The following WDR46 variants were observed in gnomAD, a reference collection of about 807,000 sequenced individuals.
The protein encoded by WDR46 is WD repeat domain 46.
Under a neutral mutation model 74.7 loss-of-function variants are expected in WDR46, and 58 were observed. That is an observed-to-expected ratio of 0.78 (90% CI 0.63 to 0.97). The LOEUF (loss-of-function observed/expected upper bound fraction) is 0.97, where lower values mean the gene tolerates loss of function less well. Among genes scored for constraint, WDR46 ranks in the 50% least tolerant of loss-of-function variants. The probability of loss-of-function intolerance (pLI) is 0.00; values close to 1 mark genes in which losing one functional copy is unlikely to be tolerated. For synonymous variants in WDR46, 278 were observed against 297.3 expected, an observed-to-expected ratio of 0.93 and a Z score of 0.67; for missense variants, 702 against 790.1, an observed-to-expected ratio of 0.89 and a Z score of 1.34.
Position 33,279,149 on chromosome 6 carries a change from G to T in WDR46, c.*127C>A. 4 of 1,355,660 alleles carry T rather than the reference G, an allele frequency of 3.0e-6. No homozygotes were observed. The highest frequency in any genetic ancestry group is 4.1e-6 in the Non-Finnish European group (4 of 983,664). 84.0% of individuals were successfully genotyped at this position (1,355,660 alleles called of 1,614,324 possible). On this transcript the variant is annotated 3_prime_UTR_variant, in exon 15 of 15. Coordinates refer to ENST00000374617, the MANE Select transcript of WDR46 (RefSeq NM_005452.6). ...CCTCTTTAATACCAACCCACCCCAG[G>T]AGACAGCTGTCCACCCCCAGTTGGG...
In WDR46 at chr6:33,280,710, C is replaced by T. The variant is rs1465126182; in HGVS notation, c.1393G>A (p.Gly465Arg). ...ATGCTGGTGATGCCCCCAGTGTGCC[C>T]CACCCCCAGCACATCTTCAAAGGGG... ...FCPFEDVLGV[G>R]HTGGITSMLV... The change falls in exon 11 of 15, where the codon GGG (glycine) becomes AGG (arginine). Residue 465 changes from glycine to arginine, a missense_variant. Gly to Arg is a moderately radical substitution (Grantham distance 125). Coordinates refer to ENST00000374617, the MANE Select transcript of WDR46 (RefSeq NM_005452.6). 2 of 1,592,516 alleles carry T rather than the reference C, an allele frequency of 1.3e-6. No individual in the cohort carries two copies. Among genetic ancestry groups the T allele is most frequent in the East Asian group, 2.2e-5 (1 of 44,586 alleles).
chr6:33,287,014 T>C, intron 9 of WDR46, 77 bp downstream of exon 9: 3 of 1,589,250 alleles, frequency 1.9e-6, no homozygotes, highest in Non-Finnish European at 2.6e-6. Flanking sequence ...AGGGTAACTT[T>C]AAGGGACTCA....
chr6:33,287,354 C>G lies in WDR46; in HGVS notation c.879+1G>C. On this transcript the variant is annotated splice_donor_variant, in intron 8 of 14. Coordinates refer to ENST00000374617, the MANE Select transcript of WDR46 (RefSeq NM_005452.6). LOFTEE classifies it high-confidence loss of function. ...AGTTCCTGAGCTCCATGGCCACTCACAGCTGTAGCCAGGAGGAAGTGGAAG... is the reference window on the plus strand; with the variant it reads ...AGTTCCTGAGCTCCATGGCCACTCAGAGCTGTAGCCAGGAGGAAGTGGAAG... 1 of 1,612,922 alleles carries G rather than the reference C, an allele frequency of 6.2e-7. No individual in the cohort carries two copies. Among genetic ancestry groups the G allele is most frequent in the Non-Finnish European group, 8.5e-7 (1 of 1,179,864 alleles).
chr6:33,287,821 C>T (rs1766811062), intron 6 of WDR46, 103 bp from the exon 7 acceptor site: 4 of 1,521,914 alleles, frequency 2.6e-6, no homozygotes, highest in Admixed American at 3.4e-5. Flanking sequence ...GGCGGGCAGA[C>T]ACATGTTGCT....
At position 33,279,902 on chromosome 6, in the gene WDR46, G is replaced by A. The variant is rs764420843; in HGVS notation, c.1525-43C>T. 1.6e-5 allele frequency: 25 copies of A among 1,600,888 alleles called. 1 individual carries two copies. In the South Asian group the frequency reaches 2.3e-4, roughly 15 times the overall value. On this transcript the variant is annotated intron_variant, in intron 12 of 14. Transcript: ENST00000374617. The stretch of plus-strand genomic sequence containing the variant: ...GGACAGGACTCAGCAAGGAGCCACA[G>A]GAGGGTAGCACCAAAAAGAGAAGCC...
At position 33,287,471 on chromosome 6, in the gene WDR46, G is replaced by A. The variant is rs745979493; in HGVS notation, c.763C>T (p.Gln255Ter). 3.7e-6 allele frequency: 6 copies of A among 1,612,880 alleles called. No individual in the cohort carries two copies. In the Admixed American group the frequency reaches 5.0e-5, roughly 13 times the overall value. The change falls in exon 8 of 15, where the codon CAG (glutamine) becomes TAG (stop). Residue 255 changes from glutamine to a stop codon, truncating the protein, a stop_gained. Transcript: ENST00000374617. LOFTEE classifies it high-confidence loss of function. ...LHSEALLAVA[Q>*]NRWLHIYDNQ... ...TCATAGATGTGGAGCCAGCGGTTCT[G>A]AGCAACAGCAAGCAGTGCCTCAGAA...
intron 12 of WDR46, 62 bp downstream of exon 12, chr6:33,280,366 G>A: frequency 6.5e-7 from 1 of 1,529,414 alleles, no homozygotes; most frequent in Non-Finnish European, 8.9e-7. Flanking sequence ...CTCCAGGACG[G>A]GGGAACCTGA....
At position 33,288,404 on chromosome 6, in the gene WDR46, T is replaced by G; in HGVS notation, c.427A>C (p.Ser143Arg). 6.2e-7 allele frequency: 1 copy of G among 1,614,170 alleles called. No homozygotes were observed. The highest frequency in any genetic ancestry group is 8.5e-7 in the Non-Finnish European group (1 of 1,180,040). The stretch of plus-strand genomic sequence containing the variant: ...AGCTCAGAACGAGCAGCTTTGATAC[T>G]TGTTTCCTCTTCCTCAGCTTCAGCC... ...EVAEAEEEET[S>R]IKAARSELLL... The change falls in exon 4 of 15, where the codon AGT becomes CGT. Residue 143 changes from serine to arginine, a missense_variant. Physicochemically the swap from Ser to Arg is moderately radical, Grantham distance 110 (BLOSUM62 -1). Coordinates refer to ENST00000374617, the MANE Select transcript of WDR46 (RefSeq NM_005452.6).
Position 33,280,983 on chromosome 6 carries a change from T to C in WDR46, c.1120A>G (p.Met374Val). The change falls in exon 11 of 15, where the codon ATG (methionine) becomes GTG (valine). Residue 374 changes from methionine (M) to valine (V), a missense_variant. Coordinates refer to ENST00000374617, the MANE Select transcript of WDR46 (RefSeq NM_005452.6). ...TGGTGGTCTAGGCCAGAGGTGGCCA[T>C]GTACCTGGTGAGAGAAGAGGGATCA... ...AVAVDSTGTY[M>V]ATSGLDHQLK... The C allele has an allele frequency of 1.2e-6, 2 of 1,600,370 alleles. No individual in the cohort carries two copies. The highest frequency in any genetic ancestry group is 1.7e-6 in the Non-Finnish European group (2 of 1,171,678).
intron 10 of WDR46, among the ~76,000 whole-genome samples, chr6:33,282,952 C>T (rs1014173515): frequency 6.6e-6 from 1 of 152,240 alleles, no homozygotes; most frequent in African/African-American, 2.4e-5. Context: ...TGGCTCACGC[C>T]TATAATCCCA....
intron 13 of WDR46, 39 bp downstream of exon 13, chr6:33,279,725 G>A (rs879276643): frequency 3.7e-6 from 6 of 1,612,946 alleles, no homozygotes; most frequent in South Asian, 1.1e-5. Flanking sequence ...GGATGTGGGG[G>A]AGAAGACGGG....
chr6:33,286,153 T>TAA lies in WDR46; in HGVS notation c.1115+640_1115+641dup, dbSNP rs113571051. ...AAGACTACGTCTCTCTCAAAAGATTTAAAAAAAAAAAGGTCAGGCGCAGTG... is the reference window on the plus strand; with the variant it reads ...AAGACTACGTCTCTCTCAAAAGATTTAAAAAAAAAAAAAGGTCAGGCGCAGTG... On this transcript the variant is annotated intron_variant, in intron 10 of 14. Transcript: ENST00000374617. Among the ~76,000 whole-genome samples, 160 of 139,444 alleles carry TAA rather than the reference T, an allele frequency of 1.1e-3. 2 individuals carry two copies. Among genetic ancestry groups the TAA allele is most frequent in the African/African-American group, 4.0e-3 (153 of 38,512 alleles). 91.5% of individuals were successfully genotyped at this position (139,444 alleles called of 152,430 possible). A position where few individuals can be genotyped will look rare whatever the true frequency, so the allele number is the denominator to read the frequency against.
chr6:33,288,289 C>T, intron 4 of WDR46, 54 bp from the exon 5 acceptor site: 1 of 1,613,696 alleles, frequency 6.2e-7, no homozygotes, highest in Non-Finnish European at 8.5e-7. Context: ...AGCAAGTATA[C>T]CAACATAAAA....
In WDR46 at chr6:33,288,594, A is replaced by G. The variant is rs375678838; in HGVS notation, c.360+20T>C. On this transcript the variant is annotated intron_variant, in intron 3 of 14. Transcript: ENST00000374617. ...CACTCCCTGCCTCCAGCACTTCCCA[A>G]CTCTCCGGCTGGACCTCACCTTTCG... The G allele has an allele frequency of 7.5e-6, 12 of 1,596,426 alleles. No individual in the cohort carries two copies. The highest frequency in any genetic ancestry group is 1.4e-5 in the African/African-American group (1 of 69,286).
intron 12 of WDR46, 125 bp downstream of exon 12, chr6:33,280,285 AGCAGTGGGGAACCTGACC>A: frequency 6.8e-6 from 5 of 733,952 alleles, no homozygotes; most frequent in Non-Finnish European, 8.9e-6. Flanking sequence ...GACCTTCTCC[AGCAGTGGGGAACCTGACC>A]TTCTCCAGCA....
At chr6:33,279,885 C>G (rs374816686) in intron 12 of WDR46, 26 bp from the exon 13 acceptor site, 9 of 1,611,536 alleles carry the variant, frequency 5.6e-6, no homozygotes, top group Non-Finnish European at 7.6e-6. Flanking sequence ...AGGGACAGGA[C>G]TCAGCAAGGA....
intron 10 of WDR46, among the ~76,000 whole-genome samples, chr6:33,283,368 A>T (rs1385786687): frequency 2.6e-5 from 4 of 151,784 alleles, no homozygotes; most frequent in Admixed American, 2.0e-4. Flanking sequence ...AGGTAGGAGG[A>T]CCGCTTGAGC....
chr6:33,283,854 C>T (rs575707485), intron 10 of WDR46, among the ~76,000 whole-genome samples: 6 of 152,206 alleles, frequency 3.9e-5, no homozygotes, highest in South Asian at 4.2e-4. Flanking sequence ...ACCGAGATCG[C>T]GCCACTGCAC....
In WDR46 at chr6:33,288,371, C is replaced by G. The variant is rs754461653; in HGVS notation, c.460G>C (p.Ala154Pro). 2 of 1,614,188 alleles carry G rather than the reference C, an allele frequency of 1.2e-6. No homozygotes were observed. The change falls in exon 4 of 15, where the codon GCT becomes CCT. Residue 154 changes from alanine (A) to proline (P), a missense_variant. Physicochemically the swap from Ala to Pro is conservative, Grantham distance 27 (BLOSUM62 -1). Transcript: ENST00000374617. ...GGGCTCACTCACCCAGGTTCTTCAG[C>G]AAGCAGCAGCTCAGAACGAGCAGCT... The part of the protein sequence containing the change: ...IKAARSELLL[A>P]EEPGFLEGED...
Sources: gnomAD v4.1 joint callset for allele counts (sites outside exome capture counted in the v4.1 genomes callset) on GRCh38, gnomAD v4.1.1 for gene constraint, MANE v1.5 for transcripts, NCBI Gene and HGNC (gene_info 2026-07-23, HGNC 2026-07-21) for gene names.